ZNF333: variants seen among roughly 807,000 people sequenced by gnomAD.
ZNF333 encodes the protein zinc finger protein 333.
In ZNF333, 61 loss-of-function variants were observed where a neutral mutation model predicts 76.1. That is an observed-to-expected ratio of 0.80 (90% confidence interval 0.65 to 0.99). ZNF333 has a LOEUF of 0.99. ZNF333 is among the 50% of genes least tolerant of loss of function. ZNF333 has a pLI of 0.00. For missense variants in ZNF333, 717 were observed against 822.4 expected (o/e 0.87, Z 1.57); for synonymous variants, 284 against 305.0 (o/e 0.93, Z 0.72).
At chr19:14,730,517 TTTTC>T (rs1383439592) in intron 11 of ZNF333, among the ~76,000 whole-genome samples, 6 of 152,136 alleles carry the variant, frequency 3.9e-5, no homozygotes, top group African/African-American at 1.4e-4. Context: ...TCTCCTTTCT[TTTTC>T]TTTGTCTTCC....
chr19:14,706,607 C>T (rs1183981778), intron 6 of ZNF333, 79 bp from the exon 7 acceptor site: 18 of 1,063,124 alleles, frequency 1.7e-5, no homozygotes, highest in African/African-American at 3.1e-5. Flanking sequence ...CAAATATGCA[C>T]GTTCATTTGG....
In ZNF333 at chr19:14,718,603, C is replaced by T. The variant is rs1231205506; in HGVS notation, c.1276C>T (p.Gln426Ter). 1 of 1,613,940 alleles carries T rather than the reference C, an allele frequency of 6.2e-7. No individual in the cohort carries two copies. The highest frequency in any genetic ancestry group is 8.5e-7 in the Non-Finnish European group (1 of 1,180,030). Reference protein sequence around the residue: ...HTGEKPFECSQCGKTFTRNFN... With the variant: ...HTGEKPFECS Reference sequence around the variant, plus strand: ...CGGAGAGAAGCCATTTGAATGTAGTCAGTGTGGGAAAACCTTCACGAGGAA... The same window carrying T: ...CGGAGAGAAGCCATTTGAATGTAGTTAGTGTGGGAAAACCTTCACGAGGAA... The change falls in exon 12 of 12, where the codon CAG becomes TAG. Residue 426 changes from glutamine to a stop codon, truncating the protein, a stop_gained. Coordinates refer to ENST00000292530, the MANE Select transcript of ZNF333 (RefSeq NM_032433.4). LOFTEE classifies it high-confidence loss of function.
chr19:14,729,867 G>T (rs1302218504), intron 11 of ZNF333, among the ~76,000 whole-genome samples: 1 of 152,128 alleles, frequency 6.6e-6, no homozygotes, highest in Admixed American at 6.5e-5. Flanking sequence ...ACATCATGTT[G>T]CTCTTGATAA....
chr19:14,730,281 C>CT (rs1286232598), intron 11 of ZNF333, among the ~76,000 whole-genome samples: 1 of 152,090 alleles, frequency 6.6e-6, no homozygotes, highest in African/African-American at 2.4e-5. Context: ...TCTTGAACTC[C>CT]TGACCTCAGG....
intron 4 of ZNF333, among the ~76,000 whole-genome samples, chr19:14,698,899 GATATATATATATATATATATATATAT>G (rs60299211): frequency 1.5e-5 from 2 of 132,710 alleles, no homozygotes; most frequent in Non-Finnish European, 3.2e-5. Context: ...CACAAATATA[GATATATATATATATATATATATATAT>G]ATATATATAT....
At chr19:14,701,954 C>T (rs2041969735) in intron 5 of ZNF333, 8 of 961,330 alleles carry the variant, frequency 8.3e-6, no homozygotes, top group Non-Finnish European at 9.9e-6. Flanking sequence ...ACAGTCTCAG[C>T]TGTCAGGTTC....
downstream of ZNF333, among the ~76,000 whole-genome samples, chr19:14,725,584 G>A (rs1464625025): frequency 6.6e-6 from 1 of 152,150 alleles, no homozygotes; most frequent in African/African-American, 2.4e-5. Context: ...GGTGGTATGG[G>A]CACTGGTTAA....
rs1973127263 is a variant in ZNF333 at position 14,695,681 on chromosome 19, T to C, written c.223+20T>C. The C allele has an allele frequency of 6.2e-7, 1 of 1,611,780 alleles. No individual in the cohort carries two copies. Among genetic ancestry groups the C allele is most frequent in the Non-Finnish European group, 8.5e-7 (1 of 1,178,032 alleles). On this transcript the variant is annotated intron_variant, in intron 4 of 11. Transcript: ENST00000292530. ...GTGTTGGTGAGTACCAGGCAGGCTG[T>C]GGATCCCCCGACCCCCCTGGTTGGG...
intron 7 of ZNF333, among the ~76,000 whole-genome samples, chr19:14,713,440 C>CA (rs1195042924): frequency 6.6e-6 from 1 of 151,926 alleles, no homozygotes; most frequent in Non-Finnish European, 1.5e-5. Flanking sequence ...GTCTGGTGTT[C>CA]AGATGTGAGA....
At chr19:14,711,966 G>C (rs2042289468) in intron 7 of ZNF333, among the ~76,000 whole-genome samples, 3 of 152,042 alleles carry the variant, frequency 2.0e-5, no homozygotes, top group Admixed American at 2.0e-4. Context: ...CTCAGGATGG[G>C]GCACTCTGAG....
At chr19:14,726,336 G>A (rs375776678), downstream of ZNF333, among the ~76,000 whole-genome samples, 17 of 152,238 alleles carry the variant, frequency 1.1e-4, no homozygotes, top group Admixed American at 3.3e-4. Flanking sequence ...GAAGATCCCC[G>A]AAATGCCTTC....
At position 14,718,607 on chromosome 19, in the gene ZNF333, G is replaced by A. The variant is rs756236613; in HGVS notation, c.1280G>A (p.Cys427Tyr). The A allele has an allele frequency of 1.4e-5, 22 of 1,613,878 alleles. No homozygotes were observed. In the East Asian group the frequency reaches 3.3e-4, roughly 25 times the overall value. The change falls in exon 12 of 12, where the codon TGT becomes TAT. Residue 427 changes from cysteine (C) to tyrosine (Y), a missense_variant. Transcript: ENST00000292530. ...TGEKPFECSQ[C>Y]GKTFTRNFNL... is the part of the protein sequence containing the mutation. ...GAGAAGCCATTTGAATGTAGTCAGTGTGGGAAAACCTTCACGAGGAACTTT... is the reference window on the plus strand; with the variant it reads ...GAGAAGCCATTTGAATGTAGTCAGTATGGGAAAACCTTCACGAGGAACTTT...
intron 6 of ZNF333, 126 bp from the exon 7 acceptor site, chr19:14,706,560 C>T: frequency 1.3e-6 from 1 of 770,280 alleles, no homozygotes; most frequent in Non-Finnish European, 2.3e-6. Flanking sequence ...AAATGGGTCT[C>T]TCTCTTCTTT....
rs1568559488 is a variant in ZNF333, at chr19:14,719,403, C to G, written c.*78C>G. On this transcript the variant is annotated 3_prime_UTR_variant, in exon 12 of 12. Transcript: ENST00000292530. Reference sequence around the variant, plus strand: ...ACTCCTTTAGCTGCATCCTGTGTTTCAATGTATAATATTTTCATTTTGGTT... The same window carrying G: ...ACTCCTTTAGCTGCATCCTGTGTTTGAATGTATAATATTTTCATTTTGGTT... 2 of 1,409,442 alleles carry G rather than the reference C, an allele frequency of 1.4e-6. No homozygotes were observed. The highest frequency in any genetic ancestry group is 1.9e-6 in the Non-Finnish European group (2 of 1,054,176). The allele number at this position is 1,409,442 out of a possible 1,614,324, so 87.3% of individuals were successfully genotyped here.
chr19:14,730,945 TTC>T (rs1363277813), intron 11 of ZNF333, among the ~76,000 whole-genome samples: 1 of 151,924 alleles, frequency 6.6e-6, no homozygotes, highest in Non-Finnish European at 1.5e-5. Context: ...AGGATGATGG[TTC>T]CAGCTGCATT....
chr19:14,701,563 C>T, intron 5 of ZNF333: 8 of 985,426 alleles, frequency 8.1e-6, no homozygotes, highest in Non-Finnish European at 9.6e-6. Flanking sequence ...CCTCCACCTC[C>T]ATGTCTCTCT....
chr19:14,704,153 G>T (rs1273662709), intron 5 of ZNF333, among the ~76,000 whole-genome samples: 1 of 151,986 alleles, frequency 6.6e-6, no homozygotes, highest in Non-Finnish European at 1.5e-5. Flanking sequence ...CTCTTCAGGG[G>T]CTCTGTCCTA....
At chr19:14,699,730 A>G (rs1392877939) in intron 5 of ZNF333, among the ~76,000 whole-genome samples, 3 of 151,840 alleles carry the variant, frequency 2.0e-5, no homozygotes, top group Non-Finnish European at 2.9e-5. Context: ...CTTTTTTTCT[A>G]GAAGGTTTCC....
chr19:14,706,599 A>G, intron 6 of ZNF333, 87 bp from the exon 7 acceptor site: 1 of 991,244 alleles, frequency 1.0e-6, no homozygotes, highest in Non-Finnish European at 1.6e-6. Flanking sequence ...AGCAGGATCA[A>G]ATATGCACGT....
Sources: allele counts gnomAD v4.1 joint callset (sites outside exome capture counted in the v4.1 genomes callset), GRCh38; gene constraint gnomAD v4.1.1; transcripts MANE v1.5; gene names NCBI Gene and HGNC (gene_info 2026-07-23, HGNC 2026-07-21).